The following PRKCE variants were observed in gnomAD, a reference collection of about 807,000 sequenced individuals.
PRKCE encodes protein kinase C epsilon type.
Under a neutral mutation model 85.4 loss-of-function variants are expected in PRKCE, and 16 were observed. The ratio of observed to expected loss-of-function variants is 0.19; its 90% CI spans 0.13 to 0.28. PRKCE has a LOEUF of 0.28. Among genes scored for constraint, PRKCE ranks in the 10% least tolerant of loss-of-function variants. PRKCE has a pLI of 1.00. For missense variants in PRKCE, 573 were observed against 975.2 expected, an observed-to-expected ratio of 0.59 and a Z score of 5.49; for synonymous variants, 388 against 371.5, an observed-to-expected ratio of 1.04 and a Z score of -0.51.
intron 1 of PRKCE, among the ~76,000 whole-genome samples, chr2:45,673,765 CT>C (rs1461154960): frequency 6.6e-6 from 1 of 152,190 alleles, no homozygotes; most frequent in Non-Finnish European, 1.5e-5. Flanking sequence ...AACAAGGCCC[CT>C]ATTAGCCAGA....
At chr2:45,761,557 C>T (rs139473387) in intron 1 of PRKCE, among the ~76,000 whole-genome samples, 1 of 152,132 alleles carries the variant, frequency 6.6e-6, no homozygotes, top group African/African-American at 2.4e-5. Context: ...CTGATATTCT[C>T]TCAAGCCCCC....
chr2:45,927,786 C>G (rs72874318), intron 2 of PRKCE, among the ~76,000 whole-genome samples: 11,120 of 152,044 alleles, frequency 0.073, 1,369 homozygotes, highest in African/African-American at 0.25. Flanking sequence ...CTGATGTGTG[C>G]TGAGAAAAAA....
intron 1 of PRKCE, among the ~76,000 whole-genome samples, chr2:45,773,359 C>T (rs1685495089): frequency 1.3e-5 from 2 of 152,180 alleles, no homozygotes; most frequent in South Asian, 2.1e-4. Flanking sequence ...TAGTGACAGA[C>T]ACTATTCATT....
intron 10 of PRKCE, among the ~76,000 whole-genome samples, chr2:46,083,615 C>G (rs1183352244): frequency 1.3e-5 from 2 of 152,186 alleles, no homozygotes; most frequent in African/African-American, 4.8e-5. Context: ...ATGTGAAAGG[C>G]TTATCCTGGT....
chr2:45,687,181 C>A (rs976224569), intron 1 of PRKCE, among the ~76,000 whole-genome samples: 1 of 151,760 alleles, frequency 6.6e-6, no homozygotes, highest in Admixed American at 6.6e-5. Flanking sequence ...TAAACAAAGT[C>A]AAAAGACAAA....
intron 1 of PRKCE, among the ~76,000 whole-genome samples, chr2:45,735,291 G>A (rs148041606): frequency 5.3e-5 from 8 of 152,208 alleles, no homozygotes; most frequent in African/African-American, 1.9e-4. Flanking sequence ...CTCTCCTTTG[G>A]CTCAGAGTCC....
At chr2:45,943,896 G>T (rs1700056235) in intron 2 of PRKCE, among the ~76,000 whole-genome samples, 1 of 152,190 alleles carries the variant, frequency 6.6e-6, no homozygotes, top group Admixed American at 6.5e-5. Context: ...ATCAACGCAG[G>T]ATTGTTTAAG....
chr2:46,120,506 G>T (rs1673204002), intron 11 of PRKCE, among the ~76,000 whole-genome samples: 1 of 152,206 alleles, frequency 6.6e-6, no homozygotes, highest in Admixed American at 6.5e-5. Flanking sequence ...GACTCTGAAG[G>T]TTTGGGGGTA....
chr2:45,744,576 TTC>T (rs143517423), intron 1 of PRKCE, among the ~76,000 whole-genome samples: 49,033 of 123,956 alleles, frequency 0.4, 12,993 homozygotes, highest in East Asian at 0.64. Context: ...CTTCCTTCCT[TTC>T]TTTTTCTTTC....
chr2:45,924,134 C>T (rs904655768), intron 2 of PRKCE, among the ~76,000 whole-genome samples: 9 of 152,104 alleles, frequency 5.9e-5, no homozygotes, highest in Non-Finnish European at 1.2e-4. Context: ...TGCCTTAAAC[C>T]GTCAGGGACT....
At chr2:46,075,671 C>T (rs900091672) in intron 10 of PRKCE, among the ~76,000 whole-genome samples, 2 of 152,106 alleles carry the variant, frequency 1.3e-5, no homozygotes, top group African/African-American at 2.4e-5. Flanking sequence ...ACTGCTTGAG[C>T]CTGGGAGGCC....
At chr2:45,777,044 A>C (rs1338197233) in intron 1 of PRKCE, among the ~76,000 whole-genome samples, 2 of 152,174 alleles carry the variant, frequency 1.3e-5, no homozygotes, top group Non-Finnish European at 2.9e-5. Flanking sequence ...TCTTGGAAGA[A>C]TAACGTGAGT....
intron 2 of PRKCE, among the ~76,000 whole-genome samples, chr2:45,958,669 T>C (rs962232020): frequency 1.3e-5 from 2 of 149,594 alleles, no homozygotes; most frequent in Admixed American, 6.7e-5. Context: ...GAGTTGTCTC[T>C]ATGAGTTTTA....
chr2:45,790,023 C>T (rs1480565918), intron 1 of PRKCE, among the ~76,000 whole-genome samples: 1 of 152,144 alleles, frequency 6.6e-6, no homozygotes, highest in Non-Finnish European at 1.5e-5. Flanking sequence ...GTGGAAATCT[C>T]GAGAGTGGCC....
chr2:45,908,903 G>A (rs1697181417), intron 2 of PRKCE, among the ~76,000 whole-genome samples: 2 of 152,062 alleles, frequency 1.3e-5, no homozygotes, highest in African/African-American at 4.8e-5. Flanking sequence ...TCTGAGCCCC[G>A]CAGTCCTCTA....
chr2:45,752,368 G>T (rs966911112), intron 1 of PRKCE, among the ~76,000 whole-genome samples: 1 of 152,130 alleles, frequency 6.6e-6, no homozygotes. Context: ...TGGCTTCAGG[G>T]TCTGTACCCT....
intron 1 of PRKCE, among the ~76,000 whole-genome samples, chr2:45,731,523 A>G (rs1369001263): frequency 6.6e-6 from 1 of 152,046 alleles, no homozygotes; most frequent in Non-Finnish European, 1.5e-5. Flanking sequence ...TAGACATGAG[A>G]GAAAGAGACT....
chr2:46,114,407 C>CTTTTTTTT (rs36107970), intron 11 of PRKCE, among the ~76,000 whole-genome samples: 1 of 47,684 alleles, frequency 2.1e-5, no homozygotes, highest in Non-Finnish European at 3.4e-5. Context: ...GAGTCCAAGG[C>CTTTTTTTT]TTTTTTTTTT....
chr2:45,992,869 C>T (rs1003802008), intron 6 of PRKCE, among the ~76,000 whole-genome samples: 1 of 144,018 alleles, frequency 6.9e-6, no homozygotes, highest in Non-Finnish European at 1.5e-5. Context: ...AGTGTGTCCC[C>T]AGACAACACT....
Sources: allele counts gnomAD v4.1 joint callset (sites outside exome capture counted in the v4.1 genomes callset), GRCh38; gene constraint gnomAD v4.1.1; transcripts MANE v1.5; gene names NCBI Gene and HGNC (gene_info 2026-07-23, HGNC 2026-07-21).